GNAZ: variants seen among roughly 807,000 people sequenced by gnomAD.
GNAZ encodes the protein G protein subunit alpha z, also known as guanine nucleotide-binding protein G(z) subunit alpha.
GNAZ carries 3 observed loss-of-function variants against 25.4 expected under a neutral mutation model. The ratio of observed to expected loss-of-function variants is 0.12; its 90% CI spans 0.05 to 0.30. The LOEUF is 0.30. Ranked by LOEUF, GNAZ falls within the 10% of genes least tolerant of loss-of-function variation. The probability of loss-of-function intolerance (pLI) is 1.00; values close to 1 mark genes in which losing one functional copy is unlikely to be tolerated. For synonymous variants in GNAZ, 211 were observed against 205.7 expected (o/e 1.03, Z -0.22); for missense variants, 241 against 501.8 (o/e 0.48, Z 4.97).
chr22:23,102,537 T>A (rs1259998626), intron 2 of GNAZ, among the ~76,000 whole-genome samples: 1 of 152,132 alleles, frequency 6.6e-6, no homozygotes, highest in Non-Finnish European at 1.5e-5. Context: ...GGTAGGTCCT[T>A]GGTCAGAGGT....
rs2069321460 is a variant in GNAZ at position 23,102,162 on chromosome 22, CTG to C, written c.723+5745_723+5746del. On this transcript the variant is annotated intron_variant, in intron 2 of 2. Coordinates refer to ENST00000615612, the MANE Select transcript of GNAZ (RefSeq NM_002073.4). Reference sequence around the variant, plus strand: ...CTCATTGCCCAGGACTCAGCCTTAACTGGGGCTGCGGCCACCTCAGTGGGCCT... The same window carrying C: ...CTCATTGCCCAGGACTCAGCCTTAACGGGCTGCGGCCACCTCAGTGGGCCT... Among the ~76,000 whole-genome samples, 4 of 152,356 alleles carry C rather than the reference CTG, an allele frequency of 2.6e-5. No individual in the cohort carries two copies. In the South Asian group the frequency reaches 8.3e-4, roughly 32 times the overall value.
chr22:23,119,361 G>T (rs2069940492), intron 2 of GNAZ, among the ~76,000 whole-genome samples: 1 of 152,194 alleles, frequency 6.6e-6, no homozygotes, highest in Non-Finnish European at 1.5e-5. Flanking sequence ...CTCTAGGTTT[G>T]GCCTCCTCTC....
intron 2 of GNAZ, among the ~76,000 whole-genome samples, chr22:23,100,466 C>T (rs1270868567): frequency 6.6e-6 from 1 of 152,212 alleles, no homozygotes; most frequent in Non-Finnish European, 1.5e-5. Flanking sequence ...GGACGGGGGA[C>T]ATAAGAACAT....
intron 2 of GNAZ, among the ~76,000 whole-genome samples, chr22:23,101,370 G>A (rs2069299442): frequency 6.6e-6 from 1 of 152,176 alleles, no homozygotes; most frequent in African/African-American, 2.4e-5. Flanking sequence ...AAGGGCCTTG[G>A]GGGTATAGAC....
intron 1 of GNAZ, among the ~76,000 whole-genome samples, chr22:23,074,199 A>G (rs1050373803): frequency 2.6e-5 from 4 of 152,104 alleles, no homozygotes; most frequent in Admixed American, 1.3e-4. Context: ...GAGCTAATCT[A>G]CACTTTGAAA....
At chr22:23,094,957 T>C (rs2069080939) in intron 1 of GNAZ, among the ~76,000 whole-genome samples, 1 of 152,152 alleles carries the variant, frequency 6.6e-6, no homozygotes, top group African/African-American at 2.4e-5. Context: ...CTGGATGCGG[T>C]AGAAGTGAGT....
chr22:23,081,909 A>AG (rs1362807304), intron 1 of GNAZ, among the ~76,000 whole-genome samples: 2 of 150,250 alleles, frequency 1.3e-5, no homozygotes, highest in African/African-American at 4.9e-5. Context: ...GCGGATCACG[A>AG]GGTCAGGAGA....
intron 1 of GNAZ, among the ~76,000 whole-genome samples, chr22:23,093,512 G>A (rs1344777866): frequency 1.3e-5 from 2 of 152,222 alleles, no homozygotes; most frequent in Non-Finnish European, 2.9e-5. Context: ...TCACACATTA[G>A]CTGAGGGCTG....
At chr22:23,097,163 T>C (rs897757799) in intron 2 of GNAZ, among the ~76,000 whole-genome samples, 8 of 152,104 alleles carry the variant, frequency 5.3e-5, no homozygotes, top group Non-Finnish European at 1.0e-4. Context: ...AGAGAGGCCT[T>C]TGACCCTGGG....
chr22:23,109,408 A>G (rs111977840), intron 2 of GNAZ, among the ~76,000 whole-genome samples: 4 of 152,244 alleles, frequency 2.6e-5, no homozygotes, highest in African/African-American at 9.6e-5. Context: ...TGCTCCTCTC[A>G]GGTCTTTTTG....
chr22:23,100,920 C>T (rs946732195), intron 2 of GNAZ, among the ~76,000 whole-genome samples: 5 of 152,186 alleles, frequency 3.3e-5, no homozygotes, highest in South Asian at 2.1e-4. Context: ...GCCACCCTAG[C>T]GCTGTGGTTT....
chr22:23,121,395 G>T (rs996811011), intron 2 of GNAZ, among the ~76,000 whole-genome samples: 1 of 152,190 alleles, frequency 6.6e-6, no homozygotes, highest in African/African-American at 2.4e-5. Context: ...GGAGAGCAGG[G>T]TTTCTATGCA....
chr22:23,073,174 A>T (rs963057669), intron 1 of GNAZ, among the ~76,000 whole-genome samples: 10 of 152,254 alleles, frequency 6.6e-5, no homozygotes, highest in Non-Finnish European at 1.5e-4. Flanking sequence ...TGACCATGGC[A>T]GGTGCACGGG....
intron 2 of GNAZ, among the ~76,000 whole-genome samples, chr22:23,101,936 C>T (rs1323748555): frequency 6.6e-6 from 1 of 152,238 alleles, no homozygotes; most frequent in Non-Finnish European, 1.5e-5. Flanking sequence ...TATCCCCAGC[C>T]CGCATCCCTC....
Position 23,087,504 on chromosome 22 carries a change from T to C in GNAZ, c.-449-7743T>C, listed in dbSNP as rs375118077. Among the ~76,000 whole-genome samples the C allele has an allele frequency of 2.0e-4, 31 of 152,300 alleles. No individual in the cohort carries two copies. The East Asian group carries it at 3.9e-3, about 19-fold the overall frequency. On this transcript the variant is annotated intron_variant, in intron 1 of 2. Coordinates refer to ENST00000615612, the MANE Select transcript of GNAZ (RefSeq NM_002073.4). ...CGCCCAAGGGGTTCACCTTGCCCGCTGCCTAGACAGAGCCGATTCTTCAAG... is the reference window on the plus strand; with the variant it reads ...CGCCCAAGGGGTTCACCTTGCCCGCCGCCTAGACAGAGCCGATTCTTCAAG...
intron 2 of GNAZ, among the ~76,000 whole-genome samples, chr22:23,098,829 G>C (rs542839113): frequency 6.6e-6 from 1 of 152,352 alleles, no homozygotes; most frequent in African/African-American, 2.4e-5. Context: ...CCCCAGAGTG[G>C]TGCCGGCAGT....
chr22:23,109,576 C>T (rs2069584945), intron 2 of GNAZ, among the ~76,000 whole-genome samples: 1 of 152,116 alleles, frequency 6.6e-6, no homozygotes, highest in Admixed American at 6.5e-5. Flanking sequence ...GAGGATGAAC[C>T]AGTGTGGAGT....
chr22:23,119,385 G>C (rs1342151731), intron 2 of GNAZ, among the ~76,000 whole-genome samples: 1 of 152,192 alleles, frequency 6.6e-6, no homozygotes. Context: ...AACTTCAGCT[G>C]GTCAGGGTCC....
intron 2 of GNAZ, among the ~76,000 whole-genome samples, chr22:23,110,448 C>T (rs549738991): frequency 6.6e-6 from 1 of 152,354 alleles, no homozygotes; most frequent in African/African-American, 2.4e-5. Flanking sequence ...CAGCCAGGAA[C>T]AGGTCACCAG....
Sources: gnomAD v4.1 joint callset for allele counts (sites outside exome capture counted in the v4.1 genomes callset) on GRCh38, gnomAD v4.1.1 for gene constraint, MANE v1.5 for transcripts, NCBI Gene and HGNC (gene_info 2026-07-23, HGNC 2026-07-21) for gene names.